The following HECTD2 variants were observed in gnomAD, a reference collection of about 807,000 sequenced individuals.
HECTD2 encodes HECT domain E3 ubiquitin protein ligase 2, also known as probable E3 ubiquitin-protein ligase HECTD2.
A neutral mutation model predicts 103.2 loss-of-function variants in HECTD2; 35 were observed. The ratio of observed to expected loss-of-function variants is 0.34; its 90% CI spans 0.26 to 0.45. HECTD2 has a LOEUF of 0.45. Ranked by LOEUF, HECTD2 falls within the 20% of genes least tolerant of loss-of-function variation. HECTD2 has a pLI of 1.00. For missense variants in HECTD2, 596 were observed against 937.4 expected (o/e 0.64, Z 4.76); for synonymous variants, 281 against 329.9 (o/e 0.85, Z 1.61).
At chr10:91,483,712 G>T (rs1846172681) in intron 8 of HECTD2, among the ~76,000 whole-genome samples, 1 of 151,826 alleles carries the variant, frequency 6.6e-6, no homozygotes, top group Admixed American at 6.6e-5. Flanking sequence ...CAGAACCATT[G>T]CTTCAAGGGG....
intron 2 of HECTD2, among the ~76,000 whole-genome samples, chr10:91,451,431 G>T (rs1362741432): frequency 6.6e-6 from 1 of 152,042 alleles, no homozygotes; most frequent in African/African-American, 2.4e-5. Flanking sequence ...ATGACAGGTT[G>T]ATGGGTGCCG....
At chr10:91,411,552 A>C (rs1842918706) in intron 1 of HECTD2, among the ~76,000 whole-genome samples, 3 of 152,226 alleles carry the variant, frequency 2.0e-5, no homozygotes. Context: ...CTCTTAAATG[A>C]CTAAGAACTT....
intron 5 of HECTD2, among the ~76,000 whole-genome samples, chr10:91,463,850 T>C (rs114561852): frequency 0.015 from 2,359 of 152,324 alleles, 56 homozygotes; most frequent in African/African-American, 0.054. Flanking sequence ...TAAGTATAAA[T>C]TGGTACAACC....
intron 5 of HECTD2, among the ~76,000 whole-genome samples, chr10:91,476,441 G>A (rs940461103): frequency 1.3e-5 from 2 of 152,152 alleles, no homozygotes; most frequent in Admixed American, 6.5e-5. Context: ...GGACCCCCAC[G>A]AAGTTTCTCC....
intron 15 of HECTD2, among the ~76,000 whole-genome samples, chr10:91,497,106 T>C (rs12265269): frequency 0.19 from 28,381 of 147,132 alleles, 6,666 homozygotes; most frequent in African/African-American, 0.57. Context: ...ATTTTAGGCA[T>C]GTGCCACCGT....
chr10:91,455,122 C>G (rs543324722), intron 2 of HECTD2, among the ~76,000 whole-genome samples: 16 of 152,224 alleles, frequency 1.1e-4, no homozygotes, highest in Non-Finnish European at 1.8e-4. Flanking sequence ...ATTTCTAGTT[C>G]GAGATCCTTG....
chr10:91,418,677 AC>A (rs112803175), intron 1 of HECTD2, among the ~76,000 whole-genome samples: 2 of 152,126 alleles, frequency 1.3e-5, no homozygotes, highest in Non-Finnish European at 2.9e-5. Context: ...GTGAAAAAAA[AC>A]CATACAAAAA....
At chr10:91,459,522 T>G (rs1273521590) in intron 2 of HECTD2, among the ~76,000 whole-genome samples, 2 of 152,088 alleles carry the variant, frequency 1.3e-5, no homozygotes, top group Non-Finnish European at 2.9e-5. Flanking sequence ...ATGCAACAAC[T>G]TGGATGAATC....
At chr10:91,416,125 CTATATT>C (rs1263558825) in intron 1 of HECTD2, among the ~76,000 whole-genome samples, 2 of 151,928 alleles carry the variant, frequency 1.3e-5, no homozygotes, top group Non-Finnish European at 2.9e-5. Context: ...TAATTTATAA[CTATATT>C]TAACAATTGG....
At chr10:91,420,352 G>A (rs745962657) in intron 1 of HECTD2, among the ~76,000 whole-genome samples, 9 of 151,150 alleles carry the variant, frequency 6.0e-5, no homozygotes, top group East Asian at 1.9e-4. Flanking sequence ...TTGGGAGGCC[G>A]AGGCAGGTAG....
chr10:91,501,152 T>G (rs1209857347), intron 19 of HECTD2, 39 bp from the exon 20 acceptor site: 1 of 1,574,476 alleles, frequency 6.4e-7, no homozygotes, highest in Admixed American at 1.8e-5. Context: ...AGGATTTTTG[T>G]CAAGACATTT....
chr10:91,503,044 T>A (rs1846968294), intron 20 of HECTD2, among the ~76,000 whole-genome samples: 1 of 152,180 alleles, frequency 6.6e-6, no homozygotes, highest in South Asian at 2.1e-4. Flanking sequence ...CATTGAATAT[T>A]CATTCACTAG....
intron 1 of HECTD2, among the ~76,000 whole-genome samples, chr10:91,424,161 G>C (rs555056582): frequency 1.6e-4 from 25 of 152,230 alleles, no homozygotes; most frequent in African/African-American, 5.1e-4. Context: ...TCGAGGAAAA[G>C]AGAGAAGAGC....
chr10:91,423,810 A>G (rs1843450239), intron 1 of HECTD2, among the ~76,000 whole-genome samples: 1 of 152,176 alleles, frequency 6.6e-6, no homozygotes, highest in Non-Finnish European at 1.5e-5. Flanking sequence ...GATTCACTGT[A>G]TGACAAGCTC....
intron 2 of HECTD2, among the ~76,000 whole-genome samples, chr10:91,439,864 G>C (rs765071940): frequency 6.6e-5 from 10 of 151,850 alleles, no homozygotes; most frequent in Non-Finnish European, 1.0e-4. Flanking sequence ...GGAGTTCACT[G>C]ATGATTTGGC....
At chr10:91,461,466 A>T (rs1255266597) in intron 4 of HECTD2, 110 bp downstream of exon 4, 1 of 520,498 alleles carries the variant, frequency 1.9e-6, no homozygotes, top group Non-Finnish European at 3.4e-6. Flanking sequence ...TGCATATATT[A>T]TGTATTGATT....
At chr10:91,492,527 A>G (rs1037149434) in intron 13 of HECTD2, 43 bp downstream of exon 13, 1 of 1,454,712 alleles carries the variant, frequency 6.9e-7, no homozygotes, top group Admixed American at 1.8e-5. Context: ...TTTCTTCATA[A>G]TTGTTAGAGT....
rs925510587 is a variant in HECTD2, at chr10:91,445,733, G to A, written c.269-14694G>A. Among the ~76,000 whole-genome samples the A allele has an allele frequency of 2.0e-5, 3 of 152,074 alleles. 1 individual carries two copies. Among genetic ancestry groups the A allele is most frequent in the Non-Finnish European group, 4.4e-5 (3 of 67,998 alleles). The stretch of plus-strand genomic sequence containing the variant: ...TAGACAGTGGGTGCAGACTGTGGGG[G>A]GCAAGCTGAAGCAAGGTGAGGCTTT... On this transcript the variant is annotated intron_variant, in intron 2 of 20. Transcript: ENST00000298068.
In HECTD2 at chr10:91,483,132, A is replaced by T. The variant is rs894258620; in HGVS notation, c.821+56A>T. 3 of 709,432 alleles carry T rather than the reference A, an allele frequency of 4.2e-6. No homozygotes were observed. The East Asian group carries it at 8.3e-5, about 20-fold the overall frequency. 43.9% of individuals were successfully genotyped at this position (709,432 alleles called of 1,614,324 possible). On this transcript the variant is annotated intron_variant, in intron 8 of 20. Transcript: ENST00000298068. ...ATAGTCTCACAGTTTTAAGTTTGGT[A>T]TTAGTAATTTTACAATAAAATATAT...
Sources: allele counts gnomAD v4.1 joint callset (sites outside exome capture counted in the v4.1 genomes callset), GRCh38; gene constraint gnomAD v4.1.1; transcripts MANE v1.5; gene names NCBI Gene and HGNC (gene_info 2026-07-23, HGNC 2026-07-21).